Variants in SMG1 observed in about 807,000 individuals in gnomAD.
SMG1 encodes the protein SMG1 nonsense mediated mRNA decay associated PI3K related kinase, also known as serine/threonine-protein kinase SMG1.
A neutral mutation model predicts 419.9 loss-of-function variants in SMG1; 22 were observed. The ratio of observed to expected loss-of-function variants is 0.05; its 90% CI spans 0.04 to 0.07. The LOEUF (loss-of-function observed/expected upper bound fraction) is 0.07, where lower values mean the gene tolerates loss of function less well. SMG1 is among the 10% of genes least tolerant of loss of function. The probability of loss-of-function intolerance (pLI) is 1.00; values close to 1 mark genes in which losing one functional copy is unlikely to be tolerated. For missense variants in SMG1, 3,185 were observed against 4,342.0 expected (o/e 0.73, Z 7.49); for synonymous variants, 1,538 against 1,553.5 (o/e 0.99, Z 0.23).
chr16:18,877,453 G>C, intron 11 of SMG1: 1 of 404,996 alleles, frequency 2.5e-6, no homozygotes, highest in Non-Finnish European at 4.6e-6. Context: ...TGGGGAGAGG[G>C]AACGAGGAAG....
At chr16:18,837,698 G>C (rs77337128) in intron 45 of SMG1, among the ~76,000 whole-genome samples, 2,653 of 152,292 alleles carry the variant, frequency 0.017, 102 homozygotes, top group East Asian at 0.12. Context: ...CTGGCTACCA[G>C]ATAGGGAAGG....
At chr16:18,912,311 G>T (rs4780767) in intron 1 of SMG1, among the ~76,000 whole-genome samples, 49,416 of 151,224 alleles carry the variant, frequency 0.33, 10,047 homozygotes, top group East Asian at 0.6. Context: ...AGAAGACAGA[G>T]ATAACAATAG....
At chr16:18,852,611 G>A (rs1323640346) in intron 31 of SMG1, 149 bp from the exon 32 acceptor site, 8 of 602,020 alleles carry the variant, frequency 1.3e-5, no homozygotes, top group African/African-American at 1.9e-5. Context: ...ACTTGAGAAG[G>A]CACAAATATG....
At chr16:18,876,695 G>A (rs1376651085) in intron 12 of SMG1, among the ~76,000 whole-genome samples, 2 of 142,398 alleles carry the variant, frequency 1.4e-5, no homozygotes, top group Non-Finnish European at 3.0e-5. Context: ...ATCAACATCA[G>A]AAGACATATG....
chr16:18,819,778 CAA>C, intron 55 of SMG1, 124 bp from the exon 56 acceptor site: 1 of 1,013,580 alleles, frequency 9.9e-7, no homozygotes, highest in Non-Finnish European at 1.4e-6. Flanking sequence ...ATTTAGAAAA[CAA>C]AAGTTTTAAC....
rs544255459 is a variant in SMG1, at chr16:18,867,926, T to A, written c.3195+264A>T. On this transcript the variant is annotated intron_variant, in intron 22 of 62. Transcript: ENST00000446231. Reference sequence around the variant, plus strand: ...GGTTTCACTGTGTTAGCCAGGATGGTCTCGATCTCCTGACCTCATGATCCG... The same window carrying A: ...GGTTTCACTGTGTTAGCCAGGATGGACTCGATCTCCTGACCTCATGATCCG... Among the ~76,000 whole-genome samples, 5 of 152,088 alleles carry A rather than the reference T, an allele frequency of 3.3e-5. No homozygotes were observed. The East Asian group carries it at 9.7e-4, about 30-fold the overall frequency.
At chr16:18,876,851 GT>G (rs2036159550) in intron 12 of SMG1, among the ~76,000 whole-genome samples, 2 of 151,724 alleles carry the variant, frequency 1.3e-5, no homozygotes, top group African/African-American at 2.4e-5. Context: ...GTGTCAACTT[GT>G]TTTACCCTTA....
At chr16:18,834,462 A>G (rs1312928882) in intron 49 of SMG1, 24 bp from the exon 50 acceptor site, 1 of 1,595,780 alleles carries the variant, frequency 6.3e-7, no homozygotes. Flanking sequence ...ATATCTGTAC[A>G]GTGAAACTTA....
intron 1 of SMG1, among the ~76,000 whole-genome samples, chr16:18,911,947 G>A (rs1380428282): frequency 5.3e-5 from 8 of 151,874 alleles, no homozygotes; most frequent in African/African-American, 9.7e-5. Flanking sequence ...CAGGCGTGGT[G>A]GCATGCACCT....
intron 1 of SMG1, among the ~76,000 whole-genome samples, chr16:18,905,287 C>A (rs561770548): frequency 6.6e-6 from 1 of 152,110 alleles, no homozygotes; most frequent in Admixed American, 6.6e-5. Context: ...AACAAAAAAA[C>A]CCTTTAACTG....
chr16:18,818,758 T>C (rs538242099), intron 56 of SMG1, among the ~76,000 whole-genome samples: 4 of 133,728 alleles, frequency 3.0e-5, no homozygotes, highest in Non-Finnish European at 5.2e-5. Context: ...ATGTCCGTAA[T>C]AGTTTTTTTG....
chr16:18,883,836 T>C (rs1158703059), intron 9 of SMG1, among the ~76,000 whole-genome samples: 1 of 151,608 alleles, frequency 6.6e-6, no homozygotes, highest in Non-Finnish European at 1.5e-5. Flanking sequence ...GGAGAATCAT[T>C]TGAACCCAGG....
intron 23 of SMG1, 83 bp downstream of exon 23, chr16:18,866,538 G>C: frequency 8.0e-7 from 1 of 1,249,554 alleles, no homozygotes; most frequent in Non-Finnish European, 1.2e-6. Context: ...GCTGTTTTAA[G>C]ATTTGGCTAC....
At chr16:18,867,044 C>T (rs887673456) in intron 22 of SMG1, among the ~76,000 whole-genome samples, 2 of 152,084 alleles carry the variant, frequency 1.3e-5, no homozygotes, top group Non-Finnish European at 2.9e-5. Flanking sequence ...TCTGTAGGAA[C>T]AACACATGGA....
At chr16:18,844,008 TACACACACAC>T (rs71141072) in intron 39 of SMG1, among the ~76,000 whole-genome samples, 5 of 150,720 alleles carry the variant, frequency 3.3e-5, no homozygotes, top group African/African-American at 9.8e-5. Flanking sequence ...TCTATGATTA[TACACACACAC>T]ACACACACGT....
At position 18,896,902 on chromosome 16, in the gene SMG1, A is replaced by T; in HGVS notation, c.147T>A (p.Asp49Glu). 5.0e-6 allele frequency: 8 copies of T among 1,602,736 alleles called. No individual in the cohort carries two copies. The highest frequency in any genetic ancestry group is 6.0e-6 in the Non-Finnish European group (7 of 1,173,958). Reference sequence around the variant, plus strand: ...GTCCATAAGAGGAAGAACCACCTCTATCTCTGGATGAAGAATATTTTAAAT... The same window carrying T: ...GTCCATAAGAGGAAGAACCACCTCTTTCTCTGGATGAAGAATATTTTAAAT... ...PDNLKYSSSR[D>E]RGGSSSYGLQ... Residue 49 changes from aspartate (D) to glutamate (E), a missense_variant, in exon 2 of 63, where the codon GAT becomes GAA. Physicochemically the swap from Asp to Glu is conservative, Grantham distance 45. Around this residue, in one of 27 missense-constraint regions of SMG1, gnomAD observed 88 missense variants for 85.9 expected, o/e 1.02. Coordinates refer to ENST00000446231, the MANE Select transcript of SMG1 (RefSeq NM_015092.5).
rs1279993251 is a variant in SMG1, at chr16:18,842,604, C to G, written c.6220-150G>C. 27 of 695,758 alleles carry G rather than the reference C, an allele frequency of 3.9e-5. No homozygotes were observed. The Admixed American group carries it at 6.9e-4, about 18-fold the overall frequency. 43.1% of individuals were successfully genotyped at this position (695,758 alleles called of 1,614,324 possible). A position where few individuals can be genotyped will look rare whatever the true frequency, so the allele number is the denominator to read the frequency against. On this transcript the variant is annotated intron_variant, in intron 39 of 62. Transcript: ENST00000446231. ...CTTTGGGAGGCCGAGGTAGGCAGAT[C>G]ACTTGAGTTCAGAAGTTCAAGACCA...
At chr16:18,882,987 G>A (rs1280514757) in intron 9 of SMG1, among the ~76,000 whole-genome samples, 1 of 152,126 alleles carries the variant, frequency 6.6e-6, no homozygotes, top group Non-Finnish European at 1.5e-5. Context: ...AGCTTTAAAC[G>A]TGGGCTGTGA....
At chr16:18,918,901 AAAAG>A (rs1289423641) in intron 1 of SMG1, among the ~76,000 whole-genome samples, 3 of 152,162 alleles carry the variant, frequency 2.0e-5, no homozygotes, top group African/African-American at 7.2e-5. Flanking sequence ...GTCTCAAAAA[AAAAG>A]AAAGGAAGGA....
Sources: gnomAD v4.1 joint callset for allele counts (sites outside exome capture counted in the v4.1 genomes callset) on GRCh38, gnomAD v4.1.1 for gene constraint, gnomAD v4.1.1 regional missense constraint, MANE v1.5 for transcripts, NCBI Gene and HGNC (gene_info 2026-07-23, HGNC 2026-07-21) for gene names.